MYO16: variants seen among roughly 807,000 people sequenced by gnomAD.
MYO16 encodes the protein myosin XVI, also known as unconventional myosin-XVI.
MYO16 carries 94 observed loss-of-function variants against 205.3 expected under a neutral mutation model. The observed-to-expected ratio is 0.46, with a 90% CI of 0.39 to 0.54. The LOEUF (loss-of-function observed/expected upper bound fraction) is 0.54, where lower values mean the gene tolerates loss of function less well. Among genes scored for constraint, MYO16 ranks in the 20% least tolerant of loss-of-function variants. MYO16 has a pLI of 0.00. For missense variants in MYO16, 2,315 were observed against 2,387.5 expected (o/e 0.97, Z 0.63); for synonymous variants, 988 against 954.0 (o/e 1.04, Z -0.66).
intron 28 of MYO16, among the ~76,000 whole-genome samples, chr13:109,114,417 A>G (rs1459317792): frequency 6.6e-6 from 1 of 152,182 alleles, no homozygotes; most frequent in Non-Finnish European, 1.5e-5. Flanking sequence ...GAGAGCTCCG[A>G]TTCATCTTAT....
At chr13:108,677,540 T>G (rs1348736557) in intron 2 of MYO16, among the ~76,000 whole-genome samples, 2 of 151,798 alleles carry the variant, frequency 1.3e-5, no homozygotes, top group African/African-American at 4.8e-5. Context: ...CATATATATT[T>G]ATTTTAACCC....
At chr13:108,606,955 G>A (rs1335339396) in intron 1 of MYO16, among the ~76,000 whole-genome samples, 1 of 152,218 alleles carries the variant, frequency 6.6e-6, no homozygotes, top group Non-Finnish European at 1.5e-5. Context: ...TGGAGTCAAA[G>A]GAGATCGTTT....
chr13:108,648,988 T>C (rs1247253007), intron 1 of MYO16, among the ~76,000 whole-genome samples: 1 of 148,926 alleles, frequency 6.7e-6, no homozygotes, highest in Admixed American at 6.9e-5. Flanking sequence ...GATATCCTCA[T>C]GGGCTGATAT....
intron 6 of MYO16, among the ~76,000 whole-genome samples, chr13:108,797,376 C>T (rs1256628574): frequency 1.3e-5 from 2 of 152,126 alleles, no homozygotes; most frequent in African/African-American, 4.8e-5. Flanking sequence ...GAAGTCACTA[C>T]TTGTATGCAG....
At position 109,140,603 on chromosome 13, in the gene MYO16, A is replaced by G; in HGVS notation, c.4391A>G (p.Asp1464Gly). The change falls in exon 32 of 35, where the codon GAC becomes GGC. Residue 1464 changes from aspartate (D) to glycine (G), a missense_variant. Asp to Gly is a moderately conservative substitution (Grantham distance 94). This residue lies in a region of MYO16 where 1,097 missense variants were observed against 1,092.0 expected (regional missense o/e 1.00). Transcript: ENST00000457511. The surrounding 1 kb of genome is among the most constrained non-coding windows in gnomAD (Gnocchi z 8.0). ...YEEMKCCLPD[D>G]GGPGAGSFLL... is the part of the protein sequence containing the mutation. ...GAGATGAAGTGTTGCCTGCCCGACGACGGCGGCCCGGGCGCGGGCTCCTTC... is the reference window on the plus strand; with the variant it reads ...GAGATGAAGTGTTGCCTGCCCGACGGCGGCGGCCCGGGCGCGGGCTCCTTC... The G allele has an allele frequency of 6.6e-7, 1 of 1,520,134 alleles. No homozygotes were observed. Among genetic ancestry groups the G allele is most frequent in the East Asian group, 2.6e-5 (1 of 38,192 alleles). The allele number at this position is 1,520,134 out of a possible 1,614,324, so 94.2% of individuals were successfully genotyped here.
intron 21 of MYO16, 57 bp downstream of exon 21, chr13:108,992,505 CT>C (rs1566449770): frequency 7.2e-6 from 8 of 1,106,960 alleles, no homozygotes; most frequent in South Asian, 1.3e-5. Flanking sequence ...AAACTAAGTT[CT>C]TTTTTTAATT....
At chr13:109,151,332 C>A (rs560193561) in intron 32 of MYO16, among the ~76,000 whole-genome samples, 2 of 152,296 alleles carry the variant, frequency 1.3e-5, no homozygotes, top group Admixed American at 1.3e-4. Flanking sequence ...TACTTAGACC[C>A]TGTACATGGG....
At chr13:109,082,036 C>T (rs1888296470) in intron 27 of MYO16, among the ~76,000 whole-genome samples, 1 of 152,178 alleles carries the variant, frequency 6.6e-6, no homozygotes, top group Non-Finnish European at 1.5e-5. Flanking sequence ...TGTAGGCCCA[C>T]AAAGCCTGAA....
the MYO16 span, among the ~76,000 whole-genome samples, chr13:108,543,341 A>G: frequency 4.6e-5 from 7 of 152,200 alleles, no homozygotes; most frequent in Non-Finnish European, 8.8e-5. Flanking sequence ...ACAAGATTTT[A>G]TTTTGGTAAA....
intron 21 of MYO16, among the ~76,000 whole-genome samples, chr13:108,992,911 G>A (rs973827167): frequency 6.6e-6 from 1 of 152,148 alleles, no homozygotes; most frequent in African/African-American, 2.4e-5. Flanking sequence ...AGAGGCATGG[G>A]TTGTTTTTAA....
intron 27 of MYO16, among the ~76,000 whole-genome samples, chr13:109,062,615 C>T (rs1375601983): frequency 8.0e-6 from 1 of 125,542 alleles, no homozygotes; most frequent in Admixed American, 8.6e-5. Flanking sequence ...TTTAGGATGC[C>T]AGTCTGAAAT....
At chr13:109,184,598 TTTTTG>T (rs1408524330) in intron 34 of MYO16, among the ~76,000 whole-genome samples, 1 of 148,644 alleles carries the variant, frequency 6.7e-6, no homozygotes, top group Non-Finnish European at 1.5e-5. Flanking sequence ...ACTATGTTTT[TTTTTG>T]TTTGTGTGTG....
chr13:108,611,325 A>G (rs117211822), intron 1 of MYO16, among the ~76,000 whole-genome samples: 1,839 of 152,344 alleles, frequency 0.012, 44 homozygotes, highest in South Asian at 0.087. Flanking sequence ...AATCAAATTA[A>G]TCATTTTAAA....
At chr13:109,090,246 C>T (rs1429485749) in intron 27 of MYO16, among the ~76,000 whole-genome samples, 3 of 152,308 alleles carry the variant, frequency 2.0e-5, no homozygotes, top group South Asian at 2.1e-4. Flanking sequence ...AAGCCTCATA[C>T]GGGTCCCTGT....
intron 1 of MYO16, among the ~76,000 whole-genome samples, chr13:108,655,106 AT>A (rs34083041): frequency 0.025 from 3,766 of 152,338 alleles, 149 homozygotes; most frequent in African/African-American, 0.085. Context: ...CCGAATGTTA[AT>A]CCCCAAGACA....
chr13:108,976,012 G>A (rs990804075), intron 20 of MYO16, among the ~76,000 whole-genome samples: 1 of 152,044 alleles, frequency 6.6e-6, no homozygotes, highest in Non-Finnish European at 1.5e-5. Flanking sequence ...AACATTCCAG[G>A]AATCATGGTA....
intron 32 of MYO16, among the ~76,000 whole-genome samples, chr13:109,144,940 T>C (rs780099181): frequency 7.2e-5 from 11 of 152,360 alleles, no homozygotes; most frequent in Admixed American, 5.9e-4. Flanking sequence ...TAGCCTTATA[T>C]GTAGGATTTC....
intron 13 of MYO16, among the ~76,000 whole-genome samples, chr13:108,883,637 CTTT>C (rs201912016): frequency 7.0e-6 from 1 of 142,528 alleles, no homozygotes. Context: ...ACTTCCTAAA[CTTT>C]TTTTTTTTTT....
At chr13:108,922,036 G>A (rs1881766808) in intron 16 of MYO16, among the ~76,000 whole-genome samples, 1 of 152,172 alleles carries the variant, frequency 6.6e-6, no homozygotes, top group Admixed American at 6.5e-5. Context: ...ATAATACGTG[G>A]AATAAGTGGG....
Sources: allele counts gnomAD v4.1 joint callset (sites outside exome capture counted in the v4.1 genomes callset), GRCh38; gene constraint gnomAD v4.1.1; regional missense constraint gnomAD v4.1.1; non-coding constraint Gnocchi (gnomAD v3.1); transcripts MANE v1.5; gene names NCBI Gene and HGNC (gene_info 2026-07-23, HGNC 2026-07-21).